Variants in DCDC1 observed in about 807,000 individuals in gnomAD.
DCDC1 encodes the protein doublecortin domain containing 1.
In DCDC1, 200 loss-of-function variants were observed where a neutral mutation model predicts 178.3. The observed-to-expected ratio is 1.12, with a 90% CI of 1.00 to 1.26. The LOEUF (loss-of-function observed/expected upper bound fraction) is 1.26, where lower values mean the gene tolerates loss of function less well. Ranked by LOEUF, DCDC1 falls within the 50% of genes most tolerant of loss-of-function variation. The probability of loss-of-function intolerance (pLI) is 0.00; values close to 1 mark genes in which losing one functional copy is unlikely to be tolerated. For synonymous variants in DCDC1, 690 were observed against 604.8 expected (o/e 1.14, Z -2.07); for missense variants, 1,983 against 1,749.2 (o/e 1.13, Z -2.38).
At chr11:31,094,679 C>CGGAAA (rs1181149097) in intron 15 of DCDC1, among the ~76,000 whole-genome samples, 1 of 152,080 alleles carries the variant, frequency 6.6e-6, no homozygotes, top group Non-Finnish European at 1.5e-5. Flanking sequence ...GAAGCTTAAT[C>CGGAAA]AATGTGTCTT....
intron 9 of DCDC1, among the ~76,000 whole-genome samples, chr11:31,195,402 T>C (rs1442212086): frequency 6.6e-6 from 1 of 152,102 alleles, no homozygotes; most frequent in Non-Finnish European, 1.5e-5. Flanking sequence ...AAAGTTTTCT[T>C]CAGGAGACCA....
At chr11:31,083,091 C>T (rs1404272070) in intron 17 of DCDC1, among the ~76,000 whole-genome samples, 4 of 152,144 alleles carry the variant, frequency 2.6e-5, no homozygotes, top group Non-Finnish European at 4.4e-5. Context: ...GTAAAGGAGT[C>T]CTTAAAGCAG....
At chr11:31,230,611 C>T (rs923718215) in intron 9 of DCDC1, among the ~76,000 whole-genome samples, 2 of 152,152 alleles carry the variant, frequency 1.3e-5, no homozygotes, top group Non-Finnish European at 2.9e-5. Context: ...CACCATCTGT[C>T]TCAAAGGACC....
intron 36 of DCDC1, among the ~76,000 whole-genome samples, chr11:30,887,349 A>G (rs1943265747): frequency 6.6e-6 from 1 of 152,212 alleles, no homozygotes; most frequent in Non-Finnish European, 1.5e-5. Flanking sequence ...ATATCTTTCA[A>G]CTTCTACTTG....
intron 9 of DCDC1, among the ~76,000 whole-genome samples, chr11:31,211,785 T>TA (rs1162599327): frequency 6.6e-6 from 1 of 151,732 alleles, no homozygotes; most frequent in East Asian, 1.9e-4. Flanking sequence ...TACTGAGCTT[T>TA]AAAAAAAAGC....
At chr11:31,002,841 A>G (rs774620606) in intron 20 of DCDC1, among the ~76,000 whole-genome samples, 1 of 152,286 alleles carries the variant, frequency 6.6e-6, no homozygotes, top group South Asian at 2.1e-4. Flanking sequence ...CCTAAAAATT[A>G]TAAGTGCTAT....
chr11:31,283,536 T>C (rs546409148), intron 7 of DCDC1, among the ~76,000 whole-genome samples: 1 of 152,242 alleles, frequency 6.6e-6, no homozygotes, highest in African/African-American at 2.4e-5. Context: ...TTCTGTTAAC[T>C]CTATTTTGGG....
intron 9 of DCDC1, among the ~76,000 whole-genome samples, chr11:31,164,324 T>C (rs1454770001): frequency 6.6e-6 from 1 of 152,082 alleles, no homozygotes; most frequent in Non-Finnish European, 1.5e-5. Flanking sequence ...CAAACCACCA[T>C]GGACATATTT....
At chr11:31,137,021 G>A (rs1963212474) in intron 10 of DCDC1, among the ~76,000 whole-genome samples, 1 of 152,064 alleles carries the variant, frequency 6.6e-6, no homozygotes. Context: ...AAAACCAGAT[G>A]TAACAGCAAG....
intron 20 of DCDC1, among the ~76,000 whole-genome samples, chr11:30,955,710 C>A (rs1321319007): frequency 1.3e-5 from 2 of 152,186 alleles, no homozygotes; most frequent in South Asian, 2.1e-4. Flanking sequence ...CCTATTTATA[C>A]CCCGTAACCT....
intron 20 of DCDC1, among the ~76,000 whole-genome samples, chr11:30,973,532 T>C (rs1483059958): frequency 6.6e-6 from 1 of 152,088 alleles, no homozygotes; most frequent in African/African-American, 2.4e-5. Context: ...TAAAGACACA[T>C]ATAGTCTGAA....
chr11:31,149,182 T>C (rs1964848515), intron 9 of DCDC1, among the ~76,000 whole-genome samples: 1 of 152,212 alleles, frequency 6.6e-6, no homozygotes, highest in South Asian at 2.1e-4. Flanking sequence ...TAAACATGCA[T>C]ATGTGCATGT....
chr11:30,931,691 G>GA, intron 22 of DCDC1, 80 bp downstream of exon 22: 1 of 1,386,278 alleles, frequency 7.2e-7, no homozygotes, highest in South Asian at 1.6e-5. Flanking sequence ...AATTCCCACA[G>GA]AAAAACATCC....
chr11:30,963,610 G>C (rs939866849), intron 20 of DCDC1, among the ~76,000 whole-genome samples: 11 of 152,092 alleles, frequency 7.2e-5, no homozygotes, highest in African/African-American at 2.7e-4. Flanking sequence ...CCCACTGACT[G>C]AGAGATGATA....
chr11:30,970,356 C>T (rs183697839), intron 20 of DCDC1, among the ~76,000 whole-genome samples: 4 of 152,250 alleles, frequency 2.6e-5, no homozygotes, highest in Non-Finnish European at 2.9e-5. Context: ...CCCTGGGGTC[C>T]AACAGCCCCT....
intron 7 of DCDC1, among the ~76,000 whole-genome samples, chr11:31,275,651 T>C (rs1291558165): frequency 6.6e-6 from 1 of 152,062 alleles, no homozygotes; most frequent in African/African-American, 2.4e-5. Context: ...ATTACAGGTG[T>C]GCACCACTAC....
intron 9 of DCDC1, among the ~76,000 whole-genome samples, chr11:31,150,441 G>T (rs1965039536): frequency 6.6e-6 from 1 of 152,182 alleles, no homozygotes; most frequent in Admixed American, 6.5e-5. Context: ...TTTAAATATG[G>T]ATCAGTATAT....
chr11:30,881,197 T>C lies in DCDC1; in HGVS notation c.5194A>G (p.Ile1732Val), dbSNP rs1329169116. The change falls in exon 37 of 39, where the codon ATC becomes GTC. Residue 1732 changes from isoleucine (I) to valine (V), a missense_variant. Physicochemically the swap from Ile to Val is conservative, Grantham distance 29. Coordinates refer to ENST00000684477, the MANE Select transcript of DCDC1 (RefSeq NM_001387274.1). ...AAACCATGTCCCATAGACACACAGA[T>C]GACCATATCTCGCTCTATGTCGTCC... is the stretch of plus-strand genomic sequence containing the variant. ...SWDDIERDMV[I>V]CVSMGHGFKT... The C allele has an allele frequency of 6.2e-7, 1 of 1,613,554 alleles. No homozygotes were observed. The highest frequency in any genetic ancestry group is 1.7e-4 in the Middle Eastern group (1 of 6,054).
At chr11:31,113,436 C>A (rs1441958670) in intron 11 of DCDC1, among the ~76,000 whole-genome samples, 1 of 134,790 alleles carries the variant, frequency 7.4e-6, no homozygotes, top group South Asian at 2.9e-4. Flanking sequence ...CTATACCTCC[C>A]CCCTCCCCCC....
Sources: allele counts gnomAD v4.1 joint callset (sites outside exome capture counted in the v4.1 genomes callset), GRCh38; gene constraint gnomAD v4.1.1; transcripts MANE v1.5; gene names NCBI Gene and HGNC (gene_info 2026-07-23, HGNC 2026-07-21).